The following ASAH2 variants were observed in gnomAD, a reference collection of about 807,000 sequenced individuals.
The protein encoded by ASAH2 is neutral ceramidase.
ASAH2 carries 58 observed loss-of-function variants against 82.9 expected under a neutral mutation model. That is an observed-to-expected ratio of 0.70 (90% CI 0.57 to 0.87). The LOEUF is 0.87. ASAH2 is among the 40% of genes least tolerant of loss of function. The pLI, the probability that ASAH2 is intolerant of heterozygous loss-of-function variation, is 0.00. For synonymous variants in ASAH2, 276 were observed against 289.7 expected (o/e 0.95, Z 0.48); for missense variants, 779 against 834.0 (o/e 0.93, Z 0.81).
At position 50,233,199 on chromosome 10, in the gene ASAH2, T is replaced by G; in HGVS notation, c.878A>C (p.Asp293Ala). Residue 293 changes from aspartate to alanine, a missense_variant, in exon 7 of 21, where the codon GAC becomes GCC. Asp to Ala is a moderately radical substitution (Grantham distance 126, BLOSUM62 -2). Around this residue, in one of 3 missense-constraint regions of ASAH2, gnomAD observed 759 missense variants for 755.2 expected, o/e 1.00. Coordinates refer to ENST00000682911, the MANE Select transcript of ASAH2 (RefSeq NM_019893.4). ...AATACAGTACCTGATAAGGCCCAAGTCATCTCCATTCAAATCTACCATTTT... is the reference window on the plus strand; with the variant it reads ...AATACAGTACCTGATAAGGCCCAAGGCATCTCCATTCAAATCTACCATTTT... Reference protein sequence around the residue: ...VLKMVDLNGDDLGLISWFAIH... With the variant: ...VLKMVDLNGDALGLISWFAIH... The G allele has an allele frequency of 6.2e-7, 1 of 1,610,572 alleles. No homozygotes were observed. The highest frequency in any genetic ancestry group is 8.5e-7 in the Non-Finnish European group (1 of 1,176,972).
intron 7 of ASAH2, among the ~76,000 whole-genome samples, chr10:50,222,274 T>C (rs911902843): frequency 3.6e-4 from 55 of 152,314 alleles, no homozygotes; most frequent in African/African-American, 1.2e-3. Context: ...TAGTTAGATA[T>C]AGACTTGATT....
chr10:50,203,231 AT>A (rs1845203535), intron 15 of ASAH2, among the ~76,000 whole-genome samples: 1 of 151,986 alleles, frequency 6.6e-6, no homozygotes, highest in Non-Finnish European at 1.5e-5. Flanking sequence ...GTAACAAGAC[AT>A]TTTTGACATG....
intron 12 of ASAH2, 115 bp downstream of exon 12, chr10:50,210,708 C>A (rs1200600972): frequency 1.5e-5 from 15 of 992,552 alleles, no homozygotes; most frequent in East Asian, 2.4e-5. Flanking sequence ...GGAAAACCAG[C>A]AGACCCTGAG....
At chr10:50,248,726 A>G in intron 1 of ASAH2, 80 bp from the exon 2 acceptor site, 1 of 1,094,302 alleles carries the variant, frequency 9.1e-7, no homozygotes, top group South Asian at 1.6e-5. Context: ...CTTTCATATT[A>G]ATAGACTATA....
In ASAH2 at chr10:50,218,642, C is replaced by A; in HGVS notation, c.894-12G>T. On this transcript the variant is annotated splice_polypyrimidine_tract_variant and intron_variant, in intron 7 of 20. Coordinates refer to ENST00000682911, the MANE Select transcript of ASAH2 (RefSeq NM_019893.4). ...GGATGGCAAACCAGCTGTAAAAGAGCAAGAAGCTCTAAATTAATCAGGAGA... is the reference window on the plus strand; with the variant it reads ...GGATGGCAAACCAGCTGTAAAAGAGAAAGAAGCTCTAAATTAATCAGGAGA... The A allele has an allele frequency of 4.3e-6, 7 of 1,613,714 alleles. No individual in the cohort carries two copies. Among genetic ancestry groups the A allele is most frequent in the Middle Eastern group, 1.7e-4 (1 of 6,054 alleles).
intron 7 of ASAH2, among the ~76,000 whole-genome samples, chr10:50,224,773 A>G (rs1157009697): frequency 6.6e-6 from 1 of 152,074 alleles, no homozygotes; most frequent in Non-Finnish European, 1.5e-5. Context: ...CCTCAAAATC[A>G]TCCTCACCCC....
At chr10:50,203,792 A>G in intron 14 of ASAH2, 113 bp from the exon 15 acceptor site, 1 of 858,208 alleles carries the variant, frequency 1.2e-6, no homozygotes, top group Non-Finnish European at 2.0e-6. Flanking sequence ...ACAATAGTAA[A>G]ATATGTAGGA....
intron 6 of ASAH2, 51 bp from the exon 7 acceptor site, chr10:50,233,312 C>G: frequency 2.2e-6 from 3 of 1,342,972 alleles, no homozygotes; most frequent in African/African-American, 1.4e-5. Context: ...GAGCCTAACC[C>G]TCATGTAAGA....
chr10:50,214,361 T>C (rs1382900847), intron 9 of ASAH2, among the ~76,000 whole-genome samples: 8 of 152,192 alleles, frequency 5.3e-5, no homozygotes, highest in African/African-American at 1.7e-4. Flanking sequence ...ATTTAGGTCT[T>C]ATATTAAAAA....
At chr10:50,218,085 C>T (rs1375469665) in intron 8 of ASAH2, among the ~76,000 whole-genome samples, 2 of 152,060 alleles carry the variant, frequency 1.3e-5, no homozygotes, top group African/African-American at 4.8e-5. Flanking sequence ...GATCGTGCCA[C>T]TGCTCTCCAG....
At chr10:50,243,458 C>G in intron 3 of ASAH2, 107 bp from the exon 4 acceptor site, 1 of 1,224,024 alleles carries the variant, frequency 8.2e-7, no homozygotes, top group Non-Finnish European at 1.1e-6. Flanking sequence ...AGAAAAACAT[C>G]CACATGACAT....
intron 7 of ASAH2, among the ~76,000 whole-genome samples, chr10:50,227,975 A>C (rs1845933768): frequency 6.6e-6 from 1 of 152,316 alleles, no homozygotes; most frequent in South Asian, 2.1e-4. Flanking sequence ...AGACAGCATC[A>C]AGCTTCACAA....
intron 7 of ASAH2, among the ~76,000 whole-genome samples, chr10:50,230,905 G>A (rs1226662504): frequency 1.3e-5 from 2 of 151,896 alleles, no homozygotes; most frequent in African/African-American, 4.8e-5. Context: ...GCCAGGTGTG[G>A]TGGTGAGCAC....
intron 4 of ASAH2, among the ~76,000 whole-genome samples, chr10:50,237,068 C>T (rs1049056394): frequency 1.1e-3 from 160 of 152,218 alleles, no homozygotes; most frequent in African/African-American, 3.4e-3. Context: ...GAGGGGCTCT[C>T]TTTTAGCAGA....
chr10:50,245,226 T>C lies in ASAH2; in HGVS notation c.356A>G (p.Asn119Ser), dbSNP rs1846415473. The C allele has an allele frequency of 6.2e-7, 1 of 1,612,866 alleles. No homozygotes were observed. The change falls in exon 3 of 21, where the codon AAT becomes AGT. Residue 119 changes from asparagine to serine, a missense_variant. Asn to Ser is a conservative substitution (Grantham distance 46). Around this residue, in one of 3 missense-constraint regions of ASAH2, gnomAD observed 759 missense variants for 755.2 expected, o/e 1.00. Transcript: ENST00000682911. ...AGGAGCCCATTGTCTACTTGCCAAATTGATATCTGCTACTTGTCCTGTGCA... is the reference window on the plus strand; with the variant it reads ...AGGAGCCCATTGTCTACTTGCCAAACTGATATCTGCTACTTGTCCTGTGCA... ...ADCTGQVADI[N>S]LMGYGKSGQN...
Position 50,248,150 on chromosome 10 carries a change from A to G in ASAH2, c.127+334T>C, listed in dbSNP as rs547180231. 3.1e-4 allele frequency among the ~76,000 whole-genome samples: 47 copies of G among 152,330 alleles called. No individual in the cohort carries two copies. The Middle Eastern group carries it at 0.014, about 44-fold the overall frequency. ...CCCCCAGGAGAAAATGATGTCTACAAGGAGGCAAATTGAAAGATTAGAGGC... is the reference window on the plus strand; with the variant it reads ...CCCCCAGGAGAAAATGATGTCTACAGGGAGGCAAATTGAAAGATTAGAGGC... On this transcript the variant is annotated intron_variant, in intron 2 of 20. Transcript: ENST00000682911.
At chr10:50,225,402 G>A (rs959740893) in intron 7 of ASAH2, among the ~76,000 whole-genome samples, 1 of 152,054 alleles carries the variant, frequency 6.6e-6, no homozygotes, top group Non-Finnish European at 1.5e-5. Context: ...TGGGCGACAG[G>A]GCGAGACTCT....
At chr10:50,196,024 TA>T (rs1253831358) in intron 18 of ASAH2, among the ~76,000 whole-genome samples, 1 of 151,860 alleles carries the variant, frequency 6.6e-6, no homozygotes, top group African/African-American at 2.4e-5. Flanking sequence ...TATTGTGTTT[TA>T]AAAATTGTTA....
chr10:50,237,955 A>G (rs2133227972), intron 4 of ASAH2, among the ~76,000 whole-genome samples: 2 of 151,812 alleles, frequency 1.3e-5, no homozygotes, highest in East Asian at 3.9e-4. Context: ...TTAATCAAAG[A>G]AAAAAAAATC....
Sources: gnomAD v4.1 joint callset for allele counts (sites outside exome capture counted in the v4.1 genomes callset) on GRCh38, gnomAD v4.1.1 for gene constraint, gnomAD v4.1.1 regional missense constraint, MANE v1.5 for transcripts, NCBI Gene and HGNC (gene_info 2026-07-23, HGNC 2026-07-21) for gene names.